The following SLC2A9 variants were observed in gnomAD, a reference collection of about 807,000 sequenced individuals.
The protein encoded by SLC2A9 is solute carrier family 2, facilitated glucose transporter member 9.
A neutral mutation model predicts 50.6 loss-of-function variants in SLC2A9; 39 were observed. That is an observed-to-expected ratio of 0.77 (90% CI 0.60 to 1.01). SLC2A9 has a LOEUF of 1.01. SLC2A9 is among the 50% of genes least tolerant of loss of function. SLC2A9 has a pLI of 0.00. For missense variants in SLC2A9, 686 were observed against 677.6 expected (o/e 1.01, Z -0.14); for synonymous variants, 324 against 276.9 (o/e 1.17, Z -1.69).
intron 10 of SLC2A9, among the ~76,000 whole-genome samples, chr4:9,878,041 C>T (rs569470248): frequency 1.6e-4 from 24 of 152,252 alleles, no homozygotes; most frequent in African/African-American, 5.8e-4. Context: ...CAACTGTGCC[C>T]TGTCCCTCTC....
intron 1 of SLC2A9, among the ~76,000 whole-genome samples, chr4:10,036,305 T>C (rs1044490440): frequency 2.6e-5 from 4 of 152,146 alleles, no homozygotes; most frequent in Non-Finnish European, 5.9e-5. Flanking sequence ...AGTTTCCTCA[T>C]TTGTGAAATT....
At chr4:9,929,653 G>A (rs1745538962) in intron 6 of SLC2A9, among the ~76,000 whole-genome samples, 1 of 152,184 alleles carries the variant, frequency 6.6e-6, no homozygotes, top group Non-Finnish European at 1.5e-5. Flanking sequence ...GGGTGTGAGG[G>A]GGACACTAGA....
chr4:9,782,902 G>A lies in SLC2A9; in HGVS notation n.386-2837C>T, dbSNP rs1205499586. On this transcript the variant is annotated intron_variant and non_coding_transcript_variant, in intron 3 of 3. Transcript: ENST00000503803. The stretch of plus-strand genomic sequence containing the variant: ...GCCTGCGCGCTTCCATCAAGAAGGA[G>A]ACCAAGGTTCTCAAGACCCTGTCGG... The A allele has an allele frequency of 3.1e-6, 5 of 1,613,910 alleles. No homozygotes were observed. In the African/African-American group the frequency reaches 4.0e-5, roughly 13 times the overall value.
At chr4:10,035,202 C>G (rs1399762711) in intron 1 of SLC2A9, 1 of 152,242 alleles carries the variant, frequency 6.6e-6, no homozygotes, top group Non-Finnish European at 1.5e-5. Flanking sequence ...TCCTAGGCAC[C>G]CAGGCTGGGC....
chr4:9,888,944 C>T (rs1405309433), intron 9 of SLC2A9, among the ~76,000 whole-genome samples: 1 of 152,152 alleles, frequency 6.6e-6, no homozygotes, highest in Non-Finnish European at 1.5e-5. Context: ...CTGATTGATC[C>T]GAGCTGCCCC....
At chr4:9,791,427 C>G (rs1320283300) in intron 3 of SLC2A9, among the ~76,000 whole-genome samples, 1 of 152,204 alleles carries the variant, frequency 6.6e-6, no homozygotes, top group East Asian at 1.9e-4. Context: ...CTGCATGTGA[C>G]TAGTCATTCT....
At chr4:10,016,639 T>C (rs889856533) in intron 2 of SLC2A9, among the ~76,000 whole-genome samples, 1 of 152,140 alleles carries the variant, frequency 6.6e-6, no homozygotes, top group Non-Finnish European at 1.5e-5. Flanking sequence ...TCCCATTAAA[T>C]ACCTCTAAGC....
chr4:9,916,495 T>C (rs1262571742), intron 7 of SLC2A9, among the ~76,000 whole-genome samples: 1 of 152,170 alleles, frequency 6.6e-6, no homozygotes, highest in Non-Finnish European at 1.5e-5. Flanking sequence ...GAGAAAACAA[T>C]GCTAGAAACA....
intron 10 of SLC2A9, among the ~76,000 whole-genome samples, chr4:9,881,961 C>T (rs1735289791): frequency 6.6e-6 from 1 of 152,132 alleles, no homozygotes; most frequent in African/African-American, 2.4e-5. Context: ...TGAAGATCTG[C>T]ATGTGTCAGC....
chr4:9,810,111 T>C (rs1722685009), intron 3 of SLC2A9, among the ~76,000 whole-genome samples: 1 of 144,496 alleles, frequency 6.9e-6, no homozygotes, highest in Admixed American at 6.7e-5. Flanking sequence ...TGGTGGTCTA[T>C]TTATTTGATT....
intron 6 of SLC2A9, among the ~76,000 whole-genome samples, chr4:9,933,959 T>C (rs765598460): frequency 3.9e-5 from 6 of 152,200 alleles, no homozygotes; most frequent in Non-Finnish European, 7.3e-5. Context: ...TAAGAACCCT[T>C]GTGATTGCAT....
At chr4:9,773,824 T>C (rs1448689539) in intron 1 of SLC2A9, among the ~76,000 whole-genome samples, 1 of 152,142 alleles carries the variant, frequency 6.6e-6, no homozygotes, top group Non-Finnish European at 1.5e-5. Flanking sequence ...GGACACCCAC[T>C]ACTTACTCAA....
chr4:9,971,113 C>T (rs973498745), intron 5 of SLC2A9, among the ~76,000 whole-genome samples: 2 of 152,166 alleles, frequency 1.3e-5, no homozygotes, highest in East Asian at 1.9e-4. Flanking sequence ...AGTAGCTTGC[C>T]GATGCTCCCA....
At chr4:9,821,612 G>A (rs1440097809), downstream of SLC2A9, among the ~76,000 whole-genome samples, 1 of 151,970 alleles carries the variant, frequency 6.6e-6, no homozygotes, top group Non-Finnish European at 1.5e-5. Flanking sequence ...AAACCTGCAT[G>A]CTCTGCACAT....
intron 10 of SLC2A9, among the ~76,000 whole-genome samples, chr4:9,851,669 G>A (rs1371229627): frequency 6.6e-6 from 1 of 152,042 alleles, no homozygotes; most frequent in Non-Finnish European, 1.5e-5. Context: ...AGGAATCTAA[G>A]GAATTCAATA....
chr4:9,943,078 C>T (rs1020443565), intron 5 of SLC2A9, among the ~76,000 whole-genome samples: 2 of 152,156 alleles, frequency 1.3e-5, no homozygotes, highest in African/African-American at 4.8e-5. Context: ...GGACAGCCTC[C>T]CCACCTCTCC....
intron 5 of SLC2A9, among the ~76,000 whole-genome samples, chr4:9,957,243 A>G (rs979268049): frequency 6.6e-6 from 1 of 152,068 alleles, no homozygotes; most frequent in Admixed American, 6.6e-5. Flanking sequence ...CAGAGCCCTC[A>G]GTAATCAGCA....
intron 8 of SLC2A9, among the ~76,000 whole-genome samples, chr4:9,897,461 G>T (rs1738765066): frequency 6.6e-6 from 1 of 152,008 alleles, no homozygotes; most frequent in Admixed American, 6.6e-5. Context: ...TTATTTTTAG[G>T]TGATTCAGTT....
At position 9,968,826 on chromosome 4, in the gene SLC2A9, G is replaced by A. The variant is rs1009808170; in HGVS notation, c.681+11766C>T. Reference sequence around the variant, plus strand: ...ATATTTTATCAAGATAATTTCCTGTGTTGCCTTTACTAAATTTTTTTATTA... The same window carrying A: ...ATATTTTATCAAGATAATTTCCTGTATTGCCTTTACTAAATTTTTTTATTA... On this transcript the variant is annotated intron_variant, in intron 5 of 11. Transcript: ENST00000264784. Among the ~76,000 whole-genome samples, 3 of 152,002 alleles carry A rather than the reference G, an allele frequency of 2.0e-5. No individual in the cohort carries two copies. In the South Asian group the frequency reaches 6.2e-4, roughly 32 times the overall value.
Sources: allele counts gnomAD v4.1 joint callset (sites outside exome capture counted in the v4.1 genomes callset), GRCh38; gene constraint gnomAD v4.1.1; transcripts MANE v1.5; gene names NCBI Gene and HGNC (gene_info 2026-07-23, HGNC 2026-07-21).